GALNT13: variants seen among roughly 807,000 people sequenced by gnomAD.
GALNT13 encodes UDP-GalNAc:polypeptide N-acetylgalactosaminyltransferase 13.
Under a neutral mutation model 64.2 loss-of-function variants are expected in GALNT13, and 28 were observed. That is an observed-to-expected ratio of 0.44 (90% CI 0.32 to 0.60). GALNT13 has a LOEUF of 0.60. GALNT13 is among the 20% of genes least tolerant of loss of function. The pLI is 0.05. For synonymous variants in GALNT13, 214 were observed against 224.6 expected, an observed-to-expected ratio of 0.95 and a Z score of 0.42; for missense variants, 577 against 669.8, an observed-to-expected ratio of 0.86 and a Z score of 1.53.
the GALNT13 span, among the ~76,000 whole-genome samples, chr2:153,692,989 A>G: frequency 1.3e-5 from 2 of 152,232 alleles, no homozygotes; most frequent in Non-Finnish European, 2.9e-5. Flanking sequence ...TTCTCCCAAC[A>G]TTAAAAAAAG....
the GALNT13 span, among the ~76,000 whole-genome samples, chr2:153,346,983 C>T: frequency 6.6e-6 from 1 of 152,148 alleles, no homozygotes; most frequent in African/African-American, 2.4e-5. Context: ...ACCGTGGACC[C>T]CCTTGCTCAA....
chr2:153,219,531 T>C, the GALNT13 span, among the ~76,000 whole-genome samples: 1 of 152,212 alleles, frequency 6.6e-6, no homozygotes, highest in East Asian at 1.9e-4. Flanking sequence ...TGCAGGTGAT[T>C]TAAGTGCTGA....
the GALNT13 span, among the ~76,000 whole-genome samples, chr2:153,852,291 C>A: frequency 6.6e-6 from 1 of 152,084 alleles, no homozygotes; most frequent in Non-Finnish European, 1.5e-5. Context: ...CTACAAGAAA[C>A]CACTTTAAAT....
intron 4 of GALNT13, among the ~76,000 whole-genome samples, chr2:154,194,944 G>T (rs1686799567): frequency 6.6e-6 from 1 of 151,170 alleles, no homozygotes. Context: ...TGCCATGGTG[G>T]TTTGCTGCAC....
the GALNT13 span, among the ~76,000 whole-genome samples, chr2:153,501,205 T>C: frequency 6.6e-6 from 1 of 152,210 alleles, no homozygotes; most frequent in Non-Finnish European, 1.5e-5. Flanking sequence ...GACTCAAAAA[T>C]TTTCAAAGAA....
intron 4 of GALNT13, among the ~76,000 whole-genome samples, chr2:154,142,912 A>G (rs1312897478): frequency 6.6e-6 from 1 of 152,190 alleles, no homozygotes; most frequent in Non-Finnish European, 1.5e-5. Flanking sequence ...CAAAAAATAT[A>G]TACAATAAAC....
At chr2:154,068,596 A>G (rs10460324) in intron 3 of GALNT13, among the ~76,000 whole-genome samples, 113,619 of 151,822 alleles carry the variant, frequency 0.75, 42,905 homozygotes, top group East Asian at 0.96. Context: ...ATTGGAGATC[A>G]TTATGTTAAG....
the GALNT13 span, among the ~76,000 whole-genome samples, chr2:153,274,232 A>G: frequency 6.6e-6 from 1 of 152,080 alleles, no homozygotes; most frequent in Non-Finnish European, 1.5e-5. Context: ...ATAGCTTTCC[A>G]TCACTGCCTG....
chr2:154,019,012 G>C (rs1181995050), intron 3 of GALNT13, among the ~76,000 whole-genome samples: 1 of 152,134 alleles, frequency 6.6e-6, no homozygotes, highest in Non-Finnish European at 1.5e-5. Context: ...CTGTAGTAAA[G>C]AGATGTATGA....
At chr2:154,010,163 GCCTGAGTGCCCTTGCTAAGACGCTTCCA>G (rs2105245233) in intron 3 of GALNT13, among the ~76,000 whole-genome samples, 1 of 151,900 alleles carries the variant, frequency 6.6e-6, no homozygotes, top group East Asian at 1.9e-4. Flanking sequence ...TCTTTCTCTT[GCCTGAGTGCCCTTGCTAAGACGCTTCCA>G]TCTTTTGCCC....
intron 4 of GALNT13, among the ~76,000 whole-genome samples, chr2:154,157,537 A>G (rs1462788427): frequency 6.6e-6 from 1 of 152,176 alleles, no homozygotes; most frequent in Non-Finnish European, 1.5e-5. Flanking sequence ...GGTTATTCTT[A>G]CCAGAATGCA....
the GALNT13 span, among the ~76,000 whole-genome samples, chr2:153,833,718 A>C: frequency 6.6e-6 from 1 of 152,134 alleles, no homozygotes; most frequent in Non-Finnish European, 1.5e-5. Flanking sequence ...ACTACTTTAT[A>C]CGAAACAAGC....
chr2:153,418,248 C>T, the GALNT13 span, among the ~76,000 whole-genome samples: 5 of 152,136 alleles, frequency 3.3e-5, no homozygotes. Context: ...TTCAAGTAGC[C>T]TCTAGAAGCT....
intron 9 of GALNT13, among the ~76,000 whole-genome samples, chr2:154,351,207 A>G (rs1056312505): frequency 6.6e-6 from 1 of 152,188 alleles, no homozygotes; most frequent in Admixed American, 6.5e-5. Flanking sequence ...CTTTAATGGC[A>G]AGACCATGGA....
At chr2:153,537,104 G>A in the GALNT13 span, among the ~76,000 whole-genome samples, 2 of 152,208 alleles carry the variant, frequency 1.3e-5, no homozygotes, top group African/African-American at 4.8e-5. Context: ...AGAAGATTCT[G>A]TGTGCCTGAA....
Position 153,928,337 on chromosome 2 carries a change from C to A in GALNT13, c.-104-16057C>A, listed in dbSNP as rs143363379. Among the ~76,000 whole-genome samples, 618 of 152,140 alleles carry A rather than the reference C, an allele frequency of 4.1e-3. 3 individuals carry two copies. The highest frequency in any genetic ancestry group is 0.014 in the African/African-American group (591 of 41,532). ...AGAAGCCTTAAGGCCAACTAGGAAGCTGCAGTTTAGATTTTCTAATGGTTG... is the reference window on the plus strand; with the variant it reads ...AGAAGCCTTAAGGCCAACTAGGAAGATGCAGTTTAGATTTTCTAATGGTTG... On this transcript the variant is annotated intron_variant, in intron 2 of 12. Transcript: ENST00000392825.
intron 4 of GALNT13, among the ~76,000 whole-genome samples, chr2:154,194,550 A>C (rs1248991149): frequency 6.6e-6 from 1 of 152,190 alleles, no homozygotes; most frequent in Non-Finnish European, 1.5e-5. Flanking sequence ...ACCAGATGGT[A>C]AATCTGAATT....
the GALNT13 span, among the ~76,000 whole-genome samples, chr2:153,661,102 AAT>A: frequency 6.6e-6 from 1 of 152,118 alleles, no homozygotes; most frequent in Non-Finnish European, 1.5e-5. Flanking sequence ...CAGGTGAAAG[AAT>A]TATCTAGTAT....
At chr2:153,193,529 C>T in the GALNT13 span, among the ~76,000 whole-genome samples, 19,385 of 145,380 alleles carry the variant, frequency 0.13, 1,497 homozygotes, top group Non-Finnish European at 0.18. Flanking sequence ...TGCACCAGCA[C>T]GGCACATGTA....
Sources: gnomAD v4.1 joint callset for allele counts (sites outside exome capture counted in the v4.1 genomes callset) on GRCh38, gnomAD v4.1.1 for gene constraint, MANE v1.5 for transcripts, NCBI Gene and HGNC (gene_info 2026-07-23, HGNC 2026-07-21) for gene names.